CDC42EP3: variants seen among roughly 807,000 people sequenced by gnomAD.
CDC42EP3 encodes the protein CDC42 effector protein 3, also known as CDC42 effector protein (Rho GTPase binding) 3.
A neutral mutation model predicts 15.5 loss-of-function variants in CDC42EP3; 4 were observed. That is an observed-to-expected ratio of 0.26 (90% CI 0.13 to 0.59). The LOEUF (loss-of-function observed/expected upper bound fraction) is 0.59. CDC42EP3 is among the 20% of genes least tolerant of loss of function. The probability of loss-of-function intolerance (pLI) is 0.89; values close to 1 mark genes in which losing one functional copy is unlikely to be tolerated. For missense variants in CDC42EP3, 309 were observed against 311.2 expected (o/e 0.99, Z 0.05); for synonymous variants, 145 against 130.3 (o/e 1.11, Z -0.77).
chr2:37,661,640 G>A (rs369532329), intron 1 of CDC42EP3, among the ~76,000 whole-genome samples: 7 of 152,154 alleles, frequency 4.6e-5, no homozygotes, highest in South Asian at 4.1e-4. Context: ...GGCTGCTGGC[G>A]TTATAAACTG....
chr2:37,672,329 A>C (rs1478175059), upstream of CDC42EP3: 1 of 152,434 alleles, frequency 6.6e-6, no homozygotes, highest in African/African-American at 2.4e-5. Flanking sequence ...CGCGACGAAC[A>C]GCAGACGCTA....
At chr2:37,662,625 C>A (rs897879343) in intron 1 of CDC42EP3, among the ~76,000 whole-genome samples, 1 of 152,214 alleles carries the variant, frequency 6.6e-6, no homozygotes, top group African/African-American at 2.4e-5. Context: ...GAACCTCACT[C>A]CCCCAGGCTG....
chr2:37,665,052 G>A (rs751090028), intron 1 of CDC42EP3, among the ~76,000 whole-genome samples: 7 of 151,782 alleles, frequency 4.6e-5, no homozygotes, highest in African/African-American at 2.4e-5. Flanking sequence ...ATGTAGCCCC[G>A]GACCTAAAAG....
chr2:37,661,611 G>A (rs1304194722), intron 1 of CDC42EP3, among the ~76,000 whole-genome samples: 3 of 152,102 alleles, frequency 2.0e-5, no homozygotes, highest in South Asian at 2.1e-4. Context: ...TCCCATTTGC[G>A]CAGAATGGTG....
intron 1 of CDC42EP3, among the ~76,000 whole-genome samples, chr2:37,667,125 G>A (rs1271884983): frequency 6.6e-6 from 1 of 152,182 alleles, no homozygotes; most frequent in Non-Finnish European, 1.5e-5. Context: ...GTTTTCCGGG[G>A]CAAGCAGTAA....
intron 1 of CDC42EP3, among the ~76,000 whole-genome samples, chr2:37,663,035 G>C (rs979957546): frequency 1.3e-5 from 2 of 152,152 alleles, no homozygotes; most frequent in African/African-American, 4.8e-5. Context: ...TGTGGTGGCG[G>C]GTGCCTGTAA....
Position 37,645,519 on chromosome 2 carries a change from C to T in CDC42EP3, c.*304G>A, listed in dbSNP as rs376302340. Reference sequence around the variant, plus strand: ...CTCGCTCAGCCCTTCATAGCTAGTGCCAATCCTGGCCAAGCCAGATTTCTT... The same window carrying T: ...CTCGCTCAGCCCTTCATAGCTAGTGTCAATCCTGGCCAAGCCAGATTTCTT... On this transcript the variant is annotated 3_prime_UTR_variant, in exon 2 of 2. Coordinates refer to ENST00000295324, the MANE Select transcript of CDC42EP3 (RefSeq NM_006449.5). The T allele has an allele frequency of 5.5e-5, 13 of 234,364 alleles. No individual in the cohort carries two copies. The highest frequency in any genetic ancestry group is 1.5e-3 in the Middle Eastern group (1 of 684). 14.5% of individuals were successfully genotyped at this position (234,364 alleles called of 1,614,324 possible).
At position 37,643,289 on chromosome 2, in the gene CDC42EP3, C is replaced by T. The variant is rs1018674090; in HGVS notation, c.*2534G>A. On this transcript the variant is annotated 3_prime_UTR_variant, in exon 2 of 2. Transcript: ENST00000295324. ...GGAAAGAAAGCCACCACCAGCAGTC[C>T]ACCTGCTCTCAGGGGAAGGGACCAG... 6 of 152,200 alleles carry T rather than the reference C, an allele frequency of 3.9e-5. No individual in the cohort carries two copies. In the East Asian group the frequency reaches 1.2e-3, roughly 29 times the overall value. 9.4% of individuals were successfully genotyped at this position (152,200 alleles called of 1,614,324 possible).
At position 37,646,533 on chromosome 2, in the gene CDC42EP3, TCTTTC is replaced by T; in HGVS notation, c.50_54del (p.Gly17GlufsTer3). 1 of 1,572,198 alleles carries T rather than the reference TCTTTC, an allele frequency of 6.4e-7. No homozygotes were observed. The highest frequency in any genetic ancestry group is 8.6e-7 in the Non-Finnish European group (1 of 1,162,650). ...GACAGAATGTCCCTCAGTTTAAATTTCTTTCCTTTCTTGTTATTGGCTGCTTTCAG... is the reference window on the plus strand; with the variant it reads ...GACAGAATGTCCCTCAGTTTAAATTTCTTTCTTGTTATTGGCTGCTTTCAG... On this transcript the variant is annotated frameshift_variant, in exon 2 of 2. Transcript: ENST00000295324. LOFTEE classifies it high-confidence loss of function.
At chr2:37,647,075 G>A (rs1004315208) in intron 1 of CDC42EP3, among the ~76,000 whole-genome samples, 5 of 152,204 alleles carry the variant, frequency 3.3e-5, no homozygotes, top group African/African-American at 1.2e-4. Flanking sequence ...ACATGTCTAT[G>A]GTTTTAGTCA....
chr2:37,652,755 T>C (rs925768414), intron 1 of CDC42EP3, among the ~76,000 whole-genome samples: 5 of 146,548 alleles, frequency 3.4e-5, no homozygotes, highest in Admixed American at 6.8e-5. Context: ...TTTTTTTTTT[T>C]AGAACAAGGG....
chr2:37,671,079 G>A (rs1367821190), intron 1 of CDC42EP3, among the ~76,000 whole-genome samples: 1 of 152,234 alleles, frequency 6.6e-6, no homozygotes, highest in Non-Finnish European at 1.5e-5. Context: ...GAGGGGCGCG[G>A]TAGCCAAGCG....
At chr2:37,671,901 T>A (rs1465699401), upstream of CDC42EP3, 2 of 151,940 alleles carry the variant, frequency 1.3e-5, no homozygotes, top group Non-Finnish European at 2.9e-5. Context: ...AGTAGGCGAC[T>A]TCTCTCGGAG....
upstream of CDC42EP3, chr2:37,671,876 C>T (rs1020316599): frequency 5.3e-5 from 8 of 152,008 alleles, no homozygotes; most frequent in African/African-American, 1.7e-4. Context: ...TGTTACCTCC[C>T]CAGCGCCACC....
In CDC42EP3 at chr2:37,646,403, T is replaced by C. The variant is rs1353925062; in HGVS notation, c.185A>G (p.Asn62Ser). The C allele has an allele frequency of 1.9e-6, 3 of 1,614,042 alleles. No homozygotes were observed. The highest frequency in any genetic ancestry group is 2.5e-6 in the Non-Finnish European group (3 of 1,179,994). The stretch of plus-strand genomic sequence containing the variant: ...CTGGTTTCCAGGTAAAAGCTCGTAG[T>C]TCCCTTGAAGAAAGGAAATATCTCC... ...VFGDISFLQGNYELLPGNQEK... is the reference protein window; with the variant it reads ...VFGDISFLQGSYELLPGNQEK... The change falls in exon 2 of 2, where the codon AAC becomes AGC. Residue 62 changes from asparagine to serine, a missense_variant. Transcript: ENST00000295324.
At chr2:37,664,907 T>C (rs1666204317) in intron 1 of CDC42EP3, among the ~76,000 whole-genome samples, 1 of 151,950 alleles carries the variant, frequency 6.6e-6, no homozygotes. Flanking sequence ...TGGGGCCTAA[T>C]TGAGGGGGAA....
rs1665477023 is a variant in CDC42EP3 at position 37,646,443 on chromosome 2, G to T, written c.145C>A (p.Gln49Lys). 6.2e-7 allele frequency: 1 copy of T among 1,614,072 alleles called. No individual in the cohort carries two copies. The highest frequency in any genetic ancestry group is 1.3e-5 in the African/African-American group (1 of 74,926). ...GAAATATCTCCAAAGACATCGTGCTGGCCCTCTTTGCCAATGTGGATGGTG... is the reference window on the plus strand; with the variant it reads ...GAAATATCTCCAAAGACATCGTGCTTGCCCTCTTTGCCAATGTGGATGGTG... ...RHTIHIGKEGQHDVFGDISFL... is the reference protein window; with the variant it reads ...RHTIHIGKEGKHDVFGDISFL... The change falls in exon 2 of 2, where the codon CAG (glutamine) becomes AAG (lysine). Residue 49 changes from glutamine (Q) to lysine (K), a missense_variant. Transcript: ENST00000295324.
intron 1 of CDC42EP3, among the ~76,000 whole-genome samples, chr2:37,652,590 C>G (rs911079228): frequency 3.3e-5 from 5 of 152,094 alleles, no homozygotes; most frequent in African/African-American, 9.7e-5. Context: ...AACCAAGGGT[C>G]AAGTCATGTG....
intron 1 of CDC42EP3, among the ~76,000 whole-genome samples, chr2:37,664,754 G>A (rs998568864): frequency 4.6e-5 from 7 of 152,184 alleles, no homozygotes; most frequent in Non-Finnish European, 7.3e-5. Flanking sequence ...AGGCACTTGC[G>A]TCAATCAGGA....
Sources: gnomAD v4.1 joint callset for allele counts (sites outside exome capture counted in the v4.1 genomes callset) on GRCh38, gnomAD v4.1.1 for gene constraint, MANE v1.5 for transcripts, NCBI Gene and HGNC (gene_info 2026-07-23, HGNC 2026-07-21) for gene names.